The following NOS1AP variants were observed in gnomAD, a reference collection of about 807,000 sequenced individuals.
The protein encoded by NOS1AP is nitric oxide synthase 1 adaptor protein.
In NOS1AP, 21 loss-of-function variants were observed where a neutral mutation model predicts 56.2. The ratio of observed to expected loss-of-function variants is 0.37; its 90% CI spans 0.26 to 0.54. NOS1AP has a LOEUF of 0.54. NOS1AP is among the 20% of genes least tolerant of loss of function. The pLI, the probability that NOS1AP is intolerant of heterozygous loss-of-function variation, is 0.84. For synonymous variants in NOS1AP, 270 were observed against 274.6 expected (o/e 0.98, Z 0.17); for missense variants, 522 against 657.8 (o/e 0.79, Z 2.26).
intron 2 of NOS1AP, among the ~76,000 whole-genome samples, chr1:162,254,212 A>G (rs1653953792): frequency 6.6e-6 from 1 of 152,196 alleles, no homozygotes. Context: ...CAATGCCTAT[A>G]GATTGTTTAA....
chr1:162,253,917 G>A (rs552166408), intron 2 of NOS1AP, among the ~76,000 whole-genome samples: 1 of 152,272 alleles, frequency 6.6e-6, no homozygotes, highest in South Asian at 2.1e-4. Flanking sequence ...ACAAGGAAAT[G>A]ATGATTACTA....
chr1:162,269,376 A>C (rs1654516968), intron 2 of NOS1AP, among the ~76,000 whole-genome samples: 1 of 152,170 alleles, frequency 6.6e-6, no homozygotes, highest in African/African-American at 2.4e-5. Context: ...AAGAGGTGAA[A>C]TTACTCTTTC....
At chr1:162,361,061 G>T (rs1043687521) in intron 8 of NOS1AP, 2 of 380,598 alleles carry the variant, frequency 5.3e-6, no homozygotes. Context: ...TGAGGCCAGA[G>T]TGCAGAGCTG....
intron 8 of NOS1AP, among the ~76,000 whole-genome samples, chr1:162,358,284 A>G (rs1657767677): frequency 6.6e-6 from 1 of 152,158 alleles, no homozygotes; most frequent in South Asian, 2.1e-4. Context: ...CGTCCTGGCC[A>G]TAACAGGATC....
At chr1:162,196,445 C>T (rs1166551207) in intron 2 of NOS1AP, among the ~76,000 whole-genome samples, 6 of 152,148 alleles carry the variant, frequency 3.9e-5, no homozygotes, top group African/African-American at 1.4e-4. Flanking sequence ...CCGTATGTTG[C>T]GGGGATTTCA....
At chr1:162,098,359 A>C (rs1196421845) in intron 1 of NOS1AP, among the ~76,000 whole-genome samples, 1 of 152,046 alleles carries the variant, frequency 6.6e-6, no homozygotes, top group East Asian at 1.9e-4. Context: ...TACCAGTCTC[A>C]GCCTCCCAAA....
At chr1:162,342,881 A>G (rs888222841) in intron 5 of NOS1AP, among the ~76,000 whole-genome samples, 2 of 152,208 alleles carry the variant, frequency 1.3e-5, no homozygotes, top group African/African-American at 4.8e-5. Flanking sequence ...ATTAAATTGT[A>G]GCCCATGGTG....
intron 2 of NOS1AP, among the ~76,000 whole-genome samples, chr1:162,209,654 C>T (rs1170539723): frequency 1.3e-5 from 2 of 152,110 alleles, no homozygotes; most frequent in Non-Finnish European, 2.9e-5. Context: ...TTTAAATACT[C>T]ATGGAAGAGA....
chr1:162,287,768 A>T (rs1354895523), intron 3 of NOS1AP, among the ~76,000 whole-genome samples: 1 of 151,900 alleles, frequency 6.6e-6, no homozygotes, highest in African/African-American at 2.4e-5. Context: ...CAATTTTAGT[A>T]AGAATAGCAG....
intron 4 of NOS1AP, among the ~76,000 whole-genome samples, chr1:162,301,851 C>A (rs1655674104): frequency 6.6e-6 from 1 of 152,204 alleles, no homozygotes; most frequent in Non-Finnish European, 1.5e-5. Context: ...GGTTGGAACT[C>A]AACGTGTGAA....
intron 1 of NOS1AP, among the ~76,000 whole-genome samples, chr1:162,117,818 G>T (rs1648030756): frequency 1.3e-5 from 2 of 152,214 alleles, no homozygotes; most frequent in Admixed American, 6.5e-5. Context: ...CCTAGCCCAG[G>T]TTGTGTGTGT....
At position 162,079,433 on chromosome 1, in the gene NOS1AP, C is replaced by T. The variant is rs1691840029; in HGVS notation, c.105+9151C>T. 6.6e-5 allele frequency among the ~76,000 whole-genome samples: 10 copies of T among 150,864 alleles called. No individual in the cohort carries two copies. In the South Asian group the frequency reaches 2.1e-3, roughly 32 times the overall value. Reference sequence around the variant, plus strand: ...TTCATGGTTTATTTTCTGTAATTTGCTACTTTGCAATTTTTATGACATGAA... The same window carrying T: ...TTCATGGTTTATTTTCTGTAATTTGTTACTTTGCAATTTTTATGACATGAA... On this transcript the variant is annotated intron_variant, in intron 1 of 9. Transcript: ENST00000361897.
rs1224569550 is a variant in NOS1AP at position 162,244,903 on chromosome 1, A to C, written c.178-42441A>C. ...TTATGTTAACTCCTCCTGGGCATGC[A>C]TGAGTATACATGCATTTGAGTAACA... On this transcript the variant is annotated intron_variant, in intron 2 of 9. Transcript: ENST00000361897. Among the ~76,000 whole-genome samples the C allele has an allele frequency of 2.0e-5, 3 of 152,204 alleles. No homozygotes were observed. The South Asian group carries it at 6.2e-4, about 31-fold the overall frequency.
intron 2 of NOS1AP, among the ~76,000 whole-genome samples, chr1:162,220,133 T>C (rs1195644589): frequency 1.3e-5 from 2 of 152,172 alleles, no homozygotes; most frequent in African/African-American, 4.8e-5. Flanking sequence ...AGTCCAACTA[T>C]GTTACCCAGG....
chr1:162,340,031 T>C (rs1657058086), intron 5 of NOS1AP, among the ~76,000 whole-genome samples: 1 of 152,230 alleles, frequency 6.6e-6, no homozygotes. Flanking sequence ...TAGCCCCTTC[T>C]GACTCCCTGA....
At chr1:162,098,102 C>CTTTTTTTTTTTTTTTTTTTTTTTG (rs35307081) in intron 1 of NOS1AP, among the ~76,000 whole-genome samples, 1 of 80,610 alleles carries the variant, frequency 1.2e-5, no homozygotes, top group Non-Finnish European at 2.3e-5. Flanking sequence ...CTCTCTTTTG[C>CTTTTTTTTTTTTTTTTTTTTTTTG]TTTTTTTTTT....
At chr1:162,348,940 C>G (rs1229453804) in intron 6 of NOS1AP, among the ~76,000 whole-genome samples, 2 of 152,176 alleles carry the variant, frequency 1.3e-5, no homozygotes, top group Non-Finnish European at 2.9e-5. Context: ...AATCCCAGCA[C>G]TTTGGGAGGC....
chr1:162,334,461 A>G (rs1656873933), intron 5 of NOS1AP, among the ~76,000 whole-genome samples: 1 of 152,190 alleles, frequency 6.6e-6, no homozygotes, highest in South Asian at 2.1e-4. Context: ...TAGGCGCTGG[A>G]GATGAGAAAG....
At chr1:162,307,524 C>T (rs1471445217) in intron 4 of NOS1AP, among the ~76,000 whole-genome samples, 2 of 152,206 alleles carry the variant, frequency 1.3e-5, no homozygotes, top group African/African-American at 2.4e-5. Context: ...GAAGTCTAGG[C>T]CAGACGCGGT....
Sources: allele counts gnomAD v4.1 joint callset (sites outside exome capture counted in the v4.1 genomes callset), GRCh38; gene constraint gnomAD v4.1.1; transcripts MANE v1.5; gene names NCBI Gene and HGNC (gene_info 2026-07-23, HGNC 2026-07-21).